The following ZNF462 variants were observed in gnomAD, a reference collection of about 807,000 sequenced individuals.
The protein encoded by ZNF462 is zinc finger PBX1-interacting protein.
In ZNF462, 10 loss-of-function variants were observed where a neutral mutation model predicts 201.9. The observed-to-expected ratio is 0.05, with a 90% CI of 0.03 to 0.08. The LOEUF is 0.08. ZNF462 is among the 10% of genes least tolerant of loss of function. The probability of loss-of-function intolerance (pLI) is 1.00; values close to 1 mark genes in which losing one functional copy is unlikely to be tolerated. For missense variants in ZNF462, 2,523 were observed against 3,168.3 expected (o/e 0.80, Z 4.89); for synonymous variants, 1,227 against 1,193.3 (o/e 1.03, Z -0.58).
chr9:107,009,380 A>G lies in ZNF462; in HGVS notation c.7190-165A>G. The stretch of plus-strand genomic sequence containing the variant: ...ACAGTTCTCGAATGCTATTCAAGGA[A>G]TGCCCTAAGGGGGAAACCTAAGAAA... On this transcript the variant is annotated intron_variant, in intron 11 of 12. Transcript: ENST00000277225. This position sits in a 1 kb window ranked among gnomAD's most constrained non-coding sequence, Gnocchi z 6.1. 1.1e-6 allele frequency: 1 copy of G among 873,056 alleles called. No homozygotes were observed. Among genetic ancestry groups the G allele is most frequent in the African/African-American group, 1.7e-5 (1 of 59,214 alleles). 54.1% of individuals were successfully genotyped at this position (873,056 alleles called of 1,614,324 possible).
intron 1 of ZNF462, among the ~76,000 whole-genome samples, chr9:106,918,899 T>G (rs1049856647): frequency 6.6e-6 from 1 of 152,228 alleles, no homozygotes; most frequent in Admixed American, 6.5e-5. Flanking sequence ...TGAGAGCCTT[T>G]TATTAGAATT....
At chr9:106,931,227 C>T (rs1178292151) in intron 4 of ZNF462, among the ~76,000 whole-genome samples, 2 of 152,160 alleles carry the variant, frequency 1.3e-5, no homozygotes, top group African/African-American at 4.8e-5. Context: ...TGGTTTGTCT[C>T]CTCCATCCCC....
chr9:106,908,573 G>A (rs372369106), intron 1 of ZNF462, among the ~76,000 whole-genome samples: 22 of 151,996 alleles, frequency 1.4e-4, no homozygotes, highest in African/African-American at 5.1e-4. Flanking sequence ...AATCCAGTTA[G>A]AGATTGTTTT....
At chr9:106,973,476 C>G (rs370114146) in intron 8 of ZNF462, among the ~76,000 whole-genome samples, 2 of 152,194 alleles carry the variant, frequency 1.3e-5, no homozygotes, top group Non-Finnish European at 1.5e-5. Flanking sequence ...AGGGCAAGGG[C>G]CGACAGACAG....
chr9:106,942,892 C>G (rs546169533), intron 7 of ZNF462, among the ~76,000 whole-genome samples: 1 of 152,232 alleles, frequency 6.6e-6, no homozygotes, highest in Non-Finnish European at 1.5e-5. Flanking sequence ...TCTAGTTTCT[C>G]CCGGGGACTA....
At chr9:107,007,478 C>T (rs1221156246) in intron 11 of ZNF462, among the ~76,000 whole-genome samples, 1 of 152,114 alleles carries the variant, frequency 6.6e-6, no homozygotes, top group African/African-American at 2.4e-5. Flanking sequence ...AACAAAAAGC[C>T]CTCAGGGTGG....
chr9:106,922,386 G>T (rs763079996), intron 1 of ZNF462, among the ~76,000 whole-genome samples: 3 of 152,178 alleles, frequency 2.0e-5, no homozygotes, highest in Non-Finnish European at 4.4e-5. Flanking sequence ...GTATATTTCA[G>T]TCACAAAGTA....
intron 7 of ZNF462, 152 bp downstream of exon 7, chr9:106,939,259 G>A: frequency 1.2e-6 from 1 of 846,396 alleles, no homozygotes; most frequent in Middle Eastern, 3.7e-4. Flanking sequence ...TGGTGTGGAA[G>A]TTGGAGTGGG....
At chr9:106,959,925 A>G (rs1471989170) in intron 7 of ZNF462, among the ~76,000 whole-genome samples, 2 of 152,034 alleles carry the variant, frequency 1.3e-5, no homozygotes, top group African/African-American at 4.8e-5. Flanking sequence ...GAGCTATCCT[A>G]AGGGAACAAC....
chr9:106,875,868 T>G (rs2130878231), intron 1 of ZNF462, among the ~76,000 whole-genome samples: 1 of 152,286 alleles, frequency 6.6e-6, no homozygotes, highest in Non-Finnish European at 1.5e-5. Flanking sequence ...TAAGAACAAC[T>G]AGGAACTCAG....
At chr9:106,976,814 G>A (rs770663542) in intron 9 of ZNF462, among the ~76,000 whole-genome samples, 1 of 152,162 alleles carries the variant, frequency 6.6e-6, no homozygotes, top group East Asian at 1.9e-4. Context: ...CCTATGTGGT[G>A]GATGACTGTT....
In ZNF462 at chr9:106,905,897, A is replaced by C. The variant is rs932738354; in HGVS notation, c.-30-17457A>C. Reference sequence around the variant, plus strand: ...CACGCCGGATTTATGCCCTCCCCGGAGTTCTGGCCAGGAGGCTTCTCACCA... The same window carrying C: ...CACGCCGGATTTATGCCCTCCCCGGCGTTCTGGCCAGGAGGCTTCTCACCA... On this transcript the variant is annotated intron_variant, in intron 1 of 12. Coordinates refer to ENST00000277225, the MANE Select transcript of ZNF462 (RefSeq NM_021224.6). This position sits in a 1 kb window ranked among gnomAD's most constrained non-coding sequence, Gnocchi z 5.9. Among the ~76,000 whole-genome samples the C allele has an allele frequency of 2.7e-4, 41 of 152,092 alleles. No homozygotes were observed. The highest frequency in any genetic ancestry group is 6.5e-5 in the Admixed American group (1 of 15,284).
chr9:106,971,378 C>T (rs373821412), intron 7 of ZNF462, among the ~76,000 whole-genome samples: 2 of 142,914 alleles, frequency 1.4e-5, no homozygotes, highest in East Asian at 3.9e-4. Flanking sequence ...AAAAAAAAAA[C>T]AACAACAACA....
At chr9:106,958,566 G>A (rs1262953803) in intron 7 of ZNF462, among the ~76,000 whole-genome samples, 2 of 152,172 alleles carry the variant, frequency 1.3e-5, no homozygotes, top group East Asian at 1.9e-4. Context: ...TCTCAGCACA[G>A]AGCCTAAGAT....
At chr9:106,986,225 G>T (rs983908021) in intron 10 of ZNF462, among the ~76,000 whole-genome samples, 1 of 152,118 alleles carries the variant, frequency 6.6e-6, no homozygotes, top group African/African-American at 2.4e-5. Flanking sequence ...AGCAGTGGGC[G>T]GAAGGCTGAG....
Position 106,895,891 on chromosome 9 carries a change from A to G in ZNF462, c.-30-27463A>G, listed in dbSNP as rs78696092. Among the ~76,000 whole-genome samples the G allele has an allele frequency of 5.9e-3, 892 of 152,300 alleles. 9 individuals are homozygous for G. The highest frequency in any genetic ancestry group is 0.021 in the African/African-American group (866 of 41,564). ...CATAGACAAACCATTCAGTCTGGTT[A>G]TGATGTTCACCTCCCCTCTACATCC... is the stretch of plus-strand genomic sequence containing the variant. On this transcript the variant is annotated intron_variant, in intron 1 of 12. Transcript: ENST00000277225. This position sits in a 1 kb window ranked among gnomAD's most constrained non-coding sequence, Gnocchi z 4.4.
At position 106,966,577 on chromosome 9, in the gene ZNF462, C is replaced by A. The variant is rs1299573265; in HGVS notation, c.6428-5428C>A. Among the ~76,000 whole-genome samples, 2 of 152,082 alleles carry A rather than the reference C, an allele frequency of 1.3e-5. No homozygotes were observed. The highest frequency in any genetic ancestry group is 2.9e-5 in the Non-Finnish European group (2 of 68,006). ...TCCTTCCCCTGCCTGTTTATAAATACCTCTATTAAAACATTTTGTTTGCAT... is the reference window on the plus strand; with the variant it reads ...TCCTTCCCCTGCCTGTTTATAAATAACTCTATTAAAACATTTTGTTTGCAT... On this transcript the variant is annotated intron_variant, in intron 7 of 12. Transcript: ENST00000277225. The surrounding 1 kb of genome is among the most constrained non-coding windows in gnomAD (Gnocchi z 4.4).
At position 106,985,146 on chromosome 9, in the gene ZNF462, T is replaced by A. The variant is rs1464806830; in HGVS notation, c.7056+737T>A. ...ATACATAAATGAGCCAACATGACTA[T>A]GTTCCAGTAAAAGTTTATTTACAAA... is the stretch of plus-strand genomic sequence containing the variant. On this transcript the variant is annotated intron_variant, in intron 10 of 12. Transcript: ENST00000277225. Among the ~76,000 whole-genome samples the A allele has an allele frequency of 2.0e-5, 3 of 152,160 alleles. No homozygotes were observed. In the South Asian group the frequency reaches 6.2e-4, roughly 32 times the overall value.
rs1461799276 is a variant in ZNF462 at position 106,923,699 on chromosome 9, CAG to C, written c.220+99_220+100del. 3 of 1,292,368 alleles carry C rather than the reference CAG, an allele frequency of 2.3e-6. No homozygotes were observed. Among genetic ancestry groups the C allele is most frequent in the Non-Finnish European group, 3.3e-6 (3 of 921,576 alleles). The allele number at this position is 1,292,368 out of a possible 1,614,324, so 80.1% of individuals were successfully genotyped here. On this transcript the variant is annotated intron_variant, in intron 2 of 12. Coordinates refer to ENST00000277225, the MANE Select transcript of ZNF462 (RefSeq NM_021224.6). The surrounding 1 kb of genome is among the most constrained non-coding windows in gnomAD (Gnocchi z 5.6). ...TGGTTCTTAATATACGTGGCTTTTG[CAG>C]AGTTTCTTGTGCTTTGCTAGCCATT...
Sources: allele counts gnomAD v4.1 joint callset (sites outside exome capture counted in the v4.1 genomes callset), GRCh38; gene constraint gnomAD v4.1.1; non-coding constraint Gnocchi (gnomAD v3.1); transcripts MANE v1.5; gene names NCBI Gene and HGNC (gene_info 2026-07-23, HGNC 2026-07-21).